The following FHOD3 variants were observed in gnomAD, a reference collection of about 807,000 sequenced individuals.
FHOD3 encodes the protein formin homology 2 domain containing 3.
In FHOD3, 90 loss-of-function variants were observed where a neutral mutation model predicts 173.0. That is an observed-to-expected ratio of 0.52 (90% CI 0.44 to 0.62). The LOEUF is 0.62. FHOD3 is among the 20% of genes least tolerant of loss of function. The probability of loss-of-function intolerance (pLI) is 0.00; values close to 1 mark genes in which losing one functional copy is unlikely to be tolerated. For missense variants in FHOD3, 1,945 were observed against 2,034.7 expected, an observed-to-expected ratio of 0.96 and a Z score of 0.85; for synonymous variants, 828 against 823.0, an observed-to-expected ratio of 1.01 and a Z score of -0.10.
chr18:36,445,773 T>C (rs2051432017), intron 3 of FHOD3, among the ~76,000 whole-genome samples: 1 of 152,162 alleles, frequency 6.6e-6, no homozygotes, highest in South Asian at 2.1e-4. Context: ...GTTGCCCCAT[T>C]GGTGGGTTCC....
intron 19 of FHOD3, among the ~76,000 whole-genome samples, chr18:36,721,796 G>C (rs370219509): frequency 6.6e-6 from 1 of 152,260 alleles, no homozygotes; most frequent in African/African-American, 2.4e-5. Flanking sequence ...GCCACTTTGG[G>C]TTTCTGGCTC....
chr18:36,333,555 T>G (rs1057497674), intron 1 of FHOD3, among the ~76,000 whole-genome samples: 5 of 152,248 alleles, frequency 3.3e-5, no homozygotes, highest in African/African-American at 1.2e-4. Flanking sequence ...TTTCCAGATG[T>G]GAACAGTCCA....
At chr18:36,629,462 C>T (rs1417995035) in intron 10 of FHOD3, among the ~76,000 whole-genome samples, 1 of 152,178 alleles carries the variant, frequency 6.6e-6, no homozygotes, top group Non-Finnish European at 1.5e-5. Context: ...CCAGATGTAG[C>T]CCACAGGCTG....
In FHOD3 at chr18:36,740,984, A is replaced by G. The variant is rs1334525166; in HGVS notation, c.3759+146A>G. The G allele has an allele frequency of 8.1e-6, 6 of 743,060 alleles. No homozygotes were observed. In the African/African-American group the frequency reaches 8.9e-5, roughly 11 times the overall value. 46.0% of individuals were successfully genotyped at this position (743,060 alleles called of 1,614,324 possible). ...TTGACAATGAGGAGGTCGTGTGTAC[A>G]CCAAGTGATCAGCAGCTGGCCAATG... On this transcript the variant is annotated intron_variant, in intron 21 of 28. Transcript: ENST00000590592.
At chr18:36,591,129 C>T (rs568554890) in intron 6 of FHOD3, among the ~76,000 whole-genome samples, 1 of 152,332 alleles carries the variant, frequency 6.6e-6, no homozygotes, top group Non-Finnish European at 1.5e-5. Flanking sequence ...AAGCACAACT[C>T]GTGATGCCAT....
chr18:36,298,217 G>C (rs1018436731), intron 1 of FHOD3, among the ~76,000 whole-genome samples: 3 of 152,066 alleles, frequency 2.0e-5, no homozygotes, highest in Admixed American at 6.5e-5. Context: ...GGAAGGAACA[G>C]CTAGAGCCGG....
chr18:36,325,881 A>G (rs1354478746), intron 1 of FHOD3, among the ~76,000 whole-genome samples: 1 of 152,268 alleles, frequency 6.6e-6, no homozygotes, highest in South Asian at 2.1e-4. Context: ...TGGGCAGTGC[A>G]GAAGGCTTCT....
At chr18:36,414,392 C>T (rs1245401612) in intron 3 of FHOD3, among the ~76,000 whole-genome samples, 1 of 152,224 alleles carries the variant, frequency 6.6e-6, no homozygotes, top group African/African-American at 2.4e-5. Context: ...CTTACTGCTT[C>T]GTCCAGAGTG....
In FHOD3 at chr18:36,402,847, G is replaced by T. The variant is rs146259876; in HGVS notation, c.337+30103G>T. On this transcript the variant is annotated intron_variant, in intron 3 of 28. Transcript: ENST00000590592. ...GAACCACAGTGAGTTTCCATCAGCT[G>T]CAGAAAACCAAAGGTTTACACATAG... 8.5e-5 allele frequency among the ~76,000 whole-genome samples: 13 copies of T among 152,304 alleles called. No homozygotes were observed. The East Asian group carries it at 1.2e-3, about 14-fold the overall frequency.
chr18:36,602,532 A>G (rs1466367010), intron 7 of FHOD3, 142 bp from the exon 8 acceptor site: 1 of 707,016 alleles, frequency 1.4e-6, no homozygotes, highest in Non-Finnish European at 2.6e-6. Flanking sequence ...AATCCATCCT[A>G]AGGATAATGT....
At chr18:36,581,977 GGACTA>G in intron 6 of FHOD3, among the ~76,000 whole-genome samples, 1 of 152,250 alleles carries the variant, frequency 6.6e-6, no homozygotes, top group Middle Eastern at 3.4e-3. Flanking sequence ...GACATTTTGA[GGACTA>G]GCCTTCTAGG....
intron 19 of FHOD3, among the ~76,000 whole-genome samples, chr18:36,719,272 C>G (rs545398262): frequency 1.2e-4 from 18 of 152,308 alleles, no homozygotes; most frequent in Non-Finnish European, 2.2e-4. Flanking sequence ...TTACACATGC[C>G]TCTAGATTTA....
chr18:36,320,300 A>G (rs1280936963), intron 1 of FHOD3, among the ~76,000 whole-genome samples: 2 of 152,190 alleles, frequency 1.3e-5, no homozygotes, highest in African/African-American at 2.4e-5. Context: ...GATAAAGGGG[A>G]TATCACCACC....
At chr18:36,473,836 A>G (rs926568468) in intron 3 of FHOD3, among the ~76,000 whole-genome samples, 2 of 152,218 alleles carry the variant, frequency 1.3e-5, no homozygotes, top group African/African-American at 4.8e-5. Context: ...TTCCATAGGA[A>G]TATATCATTG....
intron 1 of FHOD3, among the ~76,000 whole-genome samples, chr18:36,335,494 A>G (rs1036769089): frequency 9.1e-6 from 1 of 110,398 alleles, no homozygotes; most frequent in African/African-American, 9.2e-5. Flanking sequence ...GACTCCGTCT[A>G]AAAAAAAAAA....
rs59634856 is a variant in FHOD3, at chr18:36,347,202, A to C, written c.166-8337A>C. On this transcript the variant is annotated intron_variant, in intron 1 of 28. Coordinates refer to ENST00000590592, the MANE Select transcript of FHOD3 (RefSeq NM_001281740.3). ...TCAACTTGAATAAAGTGAAACGGAAAATGGCAAAAGGTGCCTATAGACATA... is the reference window on the plus strand; with the variant it reads ...TCAACTTGAATAAAGTGAAACGGAACATGGCAAAAGGTGCCTATAGACATA... 2.1e-4 allele frequency among the ~76,000 whole-genome samples: 32 copies of C among 152,390 alleles called. No individual in the cohort carries two copies. In the East Asian group the frequency reaches 5.4e-3, roughly 26 times the overall value.
chr18:36,447,190 C>T (rs981356987), intron 3 of FHOD3, among the ~76,000 whole-genome samples: 2 of 152,214 alleles, frequency 1.3e-5, no homozygotes, highest in Admixed American at 6.5e-5. Flanking sequence ...AACTGCCTGC[C>T]TCTGTATCTG....
chr18:36,376,160 A>G (rs919882539), intron 3 of FHOD3, among the ~76,000 whole-genome samples: 1 of 152,204 alleles, frequency 6.6e-6, no homozygotes, highest in South Asian at 2.1e-4. Flanking sequence ...CTCATCATGA[A>G]GAGAAAGGAA....
intron 13 of FHOD3, among the ~76,000 whole-genome samples, chr18:36,657,031 TACTC>T: frequency 6.6e-6 from 1 of 152,372 alleles, no homozygotes; most frequent in South Asian, 2.1e-4. Flanking sequence ...AAAGTTGACT[TACTC>T]TGTCGAAGGA....
Sources: allele counts gnomAD v4.1 joint callset (sites outside exome capture counted in the v4.1 genomes callset), GRCh38; gene constraint gnomAD v4.1.1; transcripts MANE v1.5; gene names NCBI Gene and HGNC (gene_info 2026-07-23, HGNC 2026-07-21).